ZSCAN29: variants seen among roughly 807,000 people sequenced by gnomAD.
ZSCAN29 encodes the protein zinc finger and SCAN domain containing 29.
ZSCAN29 carries 55 observed loss-of-function variants against 71.9 expected under a neutral mutation model. The ratio of observed to expected loss-of-function variants is 0.76; its 90% confidence interval spans 0.62 to 0.96. The LOEUF (loss-of-function observed/expected upper bound fraction) is 0.96. Ranked by LOEUF, ZSCAN29 falls within the 40% of genes least tolerant of loss-of-function variation. The pLI is 0.00. For synonymous variants in ZSCAN29, 351 were observed against 371.6 expected, an observed-to-expected ratio of 0.94 and a Z score of 0.64; for missense variants, 1,042 against 1,042.2, an observed-to-expected ratio of 1.00 and a Z score of 0.00.
At position 43,370,985 on chromosome 15, in the gene ZSCAN29, C is replaced by A. The variant is rs1441234779; in HGVS notation, c.-540G>T. ...CGGGGTCCGACCCTGACCCCGGCCC[C>A]GGCCCCGGCCCCGGCCCCGGCTCTC... On this transcript the variant is annotated 5_prime_UTR_variant, in exon 1 of 6. Transcript: ENST00000684362. The A allele has an allele frequency of 3.2e-6, 1 of 316,686 alleles. No individual in the cohort carries two copies. Among genetic ancestry groups the A allele is most frequent in the Non-Finnish European group, 6.1e-6 (1 of 165,072 alleles). The allele number at this position is 316,686 out of a possible 1,614,324, so 19.6% of individuals were successfully genotyped here. A position where few individuals can be genotyped will look rare whatever the true frequency, so the allele number is the denominator to read the frequency against.
chr15:43,363,800 C>T, intron 5 of ZSCAN29, 115 bp downstream of exon 5: 2 of 1,019,176 alleles, frequency 2.0e-6, no homozygotes, highest in Non-Finnish European at 2.8e-6. Context: ...TGGGTGGTCA[C>T]AAGAAGAATC....
intron 3 of ZSCAN29, 151 bp downstream of exon 3, chr15:43,368,772 A>C: frequency 1.5e-6 from 1 of 655,140 alleles, no homozygotes; most frequent in Non-Finnish European, 2.6e-6. Flanking sequence ...ATCAAGAGGT[A>C]ATATGAATAC....
chr15:43,369,596 C>T lies in ZSCAN29; in HGVS notation c.318G>A (p.Ser106=). 1.9e-6 allele frequency: 3 copies of T among 1,609,356 alleles called. No homozygotes were observed. Among genetic ancestry groups the T allele is most frequent in the South Asian group, 2.2e-5 (2 of 90,822 alleles). Residue 106 remains serine, a splice_region_variant and synonymous_variant, in exon 2 of 6, where the codon TCG becomes TCA. Coordinates refer to ENST00000684362, the MANE Select transcript of ZSCAN29 (RefSeq NM_001372080.1). ...ATTTGAATTCCCCCTCCCTTCTCAC[C>T]GAAGATCTAGGTCTTCCAGGCTCTC... The part of the protein sequence containing the change: ...LEREPGRPRS[S]VTVSVKGQEV...
Position 43,369,616 on chromosome 15 carries a change from GCTCT to G in ZSCAN29, c.294_297del (p.Arg98SerfsTer13). The stretch of plus-strand genomic sequence containing the variant: ...CTCACCGAAGATCTAGGTCTTCCAG[GCTCT>G]CTTTCTAAATCTTCCACGAGAGTCA... On this transcript the variant is annotated frameshift_variant, in exon 2 of 6. Coordinates refer to ENST00000684362, the MANE Select transcript of ZSCAN29 (RefSeq NM_001372080.1). LOFTEE classifies it high-confidence loss of function. 6.2e-7 allele frequency: 1 copy of G among 1,613,012 alleles called. No homozygotes were observed. The highest frequency in any genetic ancestry group is 8.5e-7 in the Non-Finnish European group (1 of 1,179,244).
Position 43,369,712 on chromosome 15 carries a change from T to G in ZSCAN29, c.202A>C (p.Thr68Pro). 3.1e-6 allele frequency: 5 copies of G among 1,614,222 alleles called. No homozygotes were observed. The highest frequency in any genetic ancestry group is 4.2e-6 in the Non-Finnish European group (5 of 1,180,044). Residue 68 changes from threonine to proline, a missense_variant, in exon 2 of 6, where the codon ACC (threonine) becomes CCC (proline). Coordinates refer to ENST00000684362, the MANE Select transcript of ZSCAN29 (RefSeq NM_001372080.1). ...TTCTGGATCTCCCCAGGTAAGACGG[T>G]CAGGAACTGCTCTAGCACCAACAGT... The part of the protein sequence containing the change: ...VELLVLEQFL[T>P]VLPGEIQNWV...
chr15:43,362,725 C>T (rs912450342), intron 5 of ZSCAN29, among the ~76,000 whole-genome samples: 1 of 152,044 alleles, frequency 6.6e-6, no homozygotes, highest in Non-Finnish European at 1.5e-5. Context: ...ATCTTAGAAC[C>T]TTAAATATGT....
At chr15:43,362,029 AC>A in intron 5 of ZSCAN29, 88 bp from the exon 6 acceptor site, 1 of 1,366,582 alleles carries the variant, frequency 7.3e-7, no homozygotes, top group Non-Finnish European at 9.9e-7. Context: ...CAAGCATTAC[AC>A]CACATGATTA....
intron 3 of ZSCAN29, among the ~76,000 whole-genome samples, chr15:43,367,274 A>G (rs1431557966): frequency 6.6e-6 from 1 of 152,156 alleles, no homozygotes; most frequent in African/African-American, 2.4e-5. Flanking sequence ...CCACCATCCA[A>G]GTCCAGACTA....
intron 3 of ZSCAN29, 107 bp from the exon 4 acceptor site, chr15:43,366,915 G>A (rs1286865728): frequency 2.7e-6 from 3 of 1,093,304 alleles, no homozygotes; most frequent in Non-Finnish European, 2.6e-6. Context: ...TAAACAAAGT[G>A]TCTAGGGAAA....
In ZSCAN29 at chr15:43,369,034, C is replaced by G. The variant is rs749449553; in HGVS notation, c.412G>C (p.Val138Leu). The G allele has an allele frequency of 1.2e-6, 2 of 1,612,724 alleles. No individual in the cohort carries two copies. The highest frequency in any genetic ancestry group is 2.7e-5 in the African/African-American group (2 of 74,896). ...GGTACACCCCTGGGCTGGGGTTCCA[C>G]TGACTCCTGCCGAACACTTAATAAC... Reference protein sequence around the residue: ...QELLSVRQESVEPQPRGVPKK... With the variant: ...QELLSVRQESLEPQPRGVPKK... Residue 138 changes from valine (V) to leucine (L), a missense_variant, in exon 3 of 6, where the codon GTG becomes CTG. Physicochemically the swap from Val to Leu is conservative, Grantham distance 32. Transcript: ENST00000684362.
chr15:43,366,186 G>A lies in ZSCAN29; in HGVS notation c.1146C>T (p.Asp382=). The A allele has an allele frequency of 3.1e-6, 5 of 1,614,034 alleles. No individual in the cohort carries two copies. Among genetic ancestry groups the A allele is most frequent in the Non-Finnish European group, 4.2e-6 (5 of 1,180,024 alleles). ...GAEEAVAQES[D]SDDMDLEATP... ...TCGCCTCTAGATCCATGTCATCACT[G>A]TCAGACTCCTGAGCCACAGCCTCTT... The change falls in exon 4 of 6, where the codon GAC becomes GAT. Residue 382 remains aspartate, a synonymous_variant. Transcript: ENST00000684362.
At position 43,363,973 on chromosome 15, in the gene ZSCAN29, A is replaced by G. The variant is rs540103257; in HGVS notation, c.1632T>C (p.Thr544=). Residue 544 remains threonine (T), a synonymous_variant, in exon 5 of 6, where the codon ACT becomes ACC. Coordinates refer to ENST00000684362, the MANE Select transcript of ZSCAN29 (RefSeq NM_001372080.1). ...TTATGACAGCCCCTGGGGGTATCTCAGTATCCTCTTCATCATCATCAGAAT... is the reference window on the plus strand; with the variant it reads ...TTATGACAGCCCCTGGGGGTATCTCGGTATCCTCTTCATCATCATCAGAAT... ...EEDSDDDEED[T]EIPPGAVITR... The G allele has an allele frequency of 2.8e-5, 46 of 1,614,130 alleles. 1 individual carries two copies. The Middle Eastern group carries it at 6.6e-4, about 23-fold the overall frequency.
intron 5 of ZSCAN29, among the ~76,000 whole-genome samples, chr15:43,362,538 C>G (rs1461183134): frequency 2.0e-5 from 3 of 152,154 alleles, no homozygotes; most frequent in Admixed American, 2.0e-4. Flanking sequence ...CTAGGCTATG[C>G]AAATTTGCAT....
At chr15:43,369,350 G>GAA (rs200647560) in intron 2 of ZSCAN29, 35 of 476,442 alleles carry the variant, frequency 7.3e-5, no homozygotes, top group South Asian at 1.8e-4. Flanking sequence ...CCTTCAGGCT[G>GAA]AAAAAAAAAA....
Position 43,361,474 on chromosome 15 carries a change from T to C in ZSCAN29, c.2158A>G (p.Asn720Asp), listed in dbSNP as rs374579190. Residue 720 changes from asparagine (N) to aspartate (D), a missense_variant, in exon 6 of 6, where the codon AAT becomes GAT. Physicochemically the swap from Asn to Asp is conservative, Grantham distance 23 (BLOSUM62 1). Coordinates refer to ENST00000684362, the MANE Select transcript of ZSCAN29 (RefSeq NM_001372080.1). ...TGGATTCTCCTATGGGTGATGAAAT[T>C]TGAACTGTCACGGAAACTTTTTCCA... ...DCGKSFRDSS[N>D]FITHRRIHTG... 1.7e-5 allele frequency: 27 copies of C among 1,613,474 alleles called. No individual in the cohort carries two copies. The highest frequency in any genetic ancestry group is 3.3e-5 in the Admixed American group (2 of 59,990).
In ZSCAN29 at chr15:43,364,259, A is replaced by T; in HGVS notation, c.1346T>A (p.Leu449Ter). The T allele has an allele frequency of 6.2e-7, 1 of 1,614,202 alleles. No homozygotes were observed. The highest frequency in any genetic ancestry group is 8.5e-7 in the Non-Finnish European group (1 of 1,180,036). The change falls in exon 5 of 6, where the codon TTA (leucine) becomes TAA (stop). Residue 449 changes from leucine (L) to a stop codon, truncating the protein, a stop_gained. Coordinates refer to ENST00000684362, the MANE Select transcript of ZSCAN29 (RefSeq NM_001372080.1). LOFTEE classifies it high-confidence loss of function. The stretch of plus-strand genomic sequence containing the variant: ...GGTCCTAAGAAAGCCATATTCCCAT[A>T]ACCTCTCAGCCACTGCTCCATACAG... ...SQLYGAVAER[L>*]WEYGFLRTPE...
At position 43,369,142 on chromosome 15, in the gene ZSCAN29, C is replaced by T. The variant is rs148439447; in HGVS notation, c.319-15G>A. On this transcript the variant is annotated splice_polypyrimidine_tract_variant and intron_variant, in intron 2 of 5. Coordinates refer to ENST00000684362, the MANE Select transcript of ZSCAN29 (RefSeq NM_001372080.1). Reference sequence around the variant, plus strand: ...GAGACTGTGACCTAGAAACAACCCCCGTTAATTGTCACTGCAAGATCATAA... The same window carrying T: ...GAGACTGTGACCTAGAAACAACCCCTGTTAATTGTCACTGCAAGATCATAA... 155 of 1,534,870 alleles carry T rather than the reference C, an allele frequency of 1.0e-4. No homozygotes were observed. In the East Asian group the frequency reaches 3.5e-3, roughly 35 times the overall value.
chr15:43,364,448 C>T (rs1164536496), intron 4 of ZSCAN29, 66 bp from the exon 5 acceptor site: 2 of 1,383,582 alleles, frequency 1.4e-6, no homozygotes, highest in Non-Finnish European at 1.0e-6. Context: ...TTCCTCAGTC[C>T]TATCATCTGC....
rs748063134 is a variant in ZSCAN29 at position 43,359,304 on chromosome 15, G to T, written c.*1769C>A. ...CATGTGCACTTGTTTGTCCATGTCA[G>T]TGTCATCTGCTTTAGATTGTAAGGA... On this transcript the variant is annotated 3_prime_UTR_variant, in exon 6 of 6. Coordinates refer to ENST00000684362, the MANE Select transcript of ZSCAN29 (RefSeq NM_001372080.1). 1 of 152,278 alleles carries T rather than the reference G, an allele frequency of 6.6e-6. No homozygotes were observed. Among genetic ancestry groups the T allele is most frequent in the South Asian group, 2.1e-4 (1 of 4,834 alleles). The allele number at this position is 152,278 out of a possible 1,614,324, so 9.4% of individuals were successfully genotyped here.
Sources: allele counts gnomAD v4.1 joint callset (sites outside exome capture counted in the v4.1 genomes callset), GRCh38; gene constraint gnomAD v4.1.1; transcripts MANE v1.5; gene names NCBI Gene and HGNC (gene_info 2026-07-23, HGNC 2026-07-21).